The following FER variants were observed in gnomAD, a reference collection of about 807,000 sequenced individuals.
The protein encoded by FER is FER tyrosine kinase, also known as tyrosine-protein kinase Fer.
In FER, 63 loss-of-function variants were observed where a neutral mutation model predicts 111.0. That is an observed-to-expected ratio of 0.57 (90% CI 0.46 to 0.70). FER has a LOEUF of 0.70. Ranked by LOEUF, FER falls within the 30% of genes least tolerant of loss-of-function variation. FER has a pLI of 0.00. For missense variants in FER, 914 were observed against 954.0 expected (o/e 0.96, Z 0.55); for synonymous variants, 327 against 313.9 (o/e 1.04, Z -0.44).
intron 9 of FER, among the ~76,000 whole-genome samples, chr5:108,893,098 T>G (rs866707855): frequency 0.012 from 1,769 of 152,098 alleles, 33 homozygotes; most frequent in African/African-American, 0.041. Flanking sequence ...AAGTCAGGTA[T>G]CGTGATGCCT....
At chr5:108,860,905 A>G (rs901907969) in intron 5 of FER, among the ~76,000 whole-genome samples, 1 of 152,200 alleles carries the variant, frequency 6.6e-6, no homozygotes, top group Non-Finnish European at 1.5e-5. Flanking sequence ...GAGACTGAGC[A>G]AGAGTAGGGA....
rs371728380 is a variant in FER, at chr5:108,954,718, A to G, written c.1330-11A>G. On this transcript the variant is annotated splice_polypyrimidine_tract_variant and intron_variant, in intron 11 of 19. Transcript: ENST00000281092. ...TCTAATTTAGTTTTTTTTTTTTAAT[A>G]TTTGTTTAAGCTTTCTGATATGATC... 38 of 1,472,300 alleles carry G rather than the reference A, an allele frequency of 2.6e-5. No homozygotes were observed. Among genetic ancestry groups the G allele is most frequent in the Admixed American group, 4.9e-5 (2 of 40,890 alleles). The allele number at this position is 1,472,300 out of a possible 1,614,324, so 91.2% of individuals were successfully genotyped here.
chr5:108,814,614 C>T (rs770775962), intron 3 of FER, among the ~76,000 whole-genome samples: 6 of 152,138 alleles, frequency 3.9e-5, no homozygotes, highest in Non-Finnish European at 8.8e-5. Context: ...AAGATATCAT[C>T]GGGGTATTAG....
chr5:108,798,050 A>G (rs1364928371), intron 2 of FER, 74 bp from the exon 3 acceptor site: 10 of 563,680 alleles, frequency 1.8e-5, no homozygotes, highest in Admixed American at 1.4e-4. Flanking sequence ...AGAAGAATCT[A>G]TCATAACTTT....
intron 2 of FER, among the ~76,000 whole-genome samples, chr5:108,781,096 T>C (rs541901199): frequency 1.3e-5 from 2 of 152,334 alleles, no homozygotes; most frequent in African/African-American, 4.8e-5. Flanking sequence ...AGCATATTAA[T>C]CATAGTTGTT....
At chr5:108,978,165 T>G (rs898312382) in intron 13 of FER, among the ~76,000 whole-genome samples, 21 of 152,234 alleles carry the variant, frequency 1.4e-4, no homozygotes, top group African/African-American at 5.1e-4. Flanking sequence ...TTCTCTTGTT[T>G]GCCTTTGTCA....
At chr5:109,003,781 A>T (rs371774274) in intron 13 of FER, among the ~76,000 whole-genome samples, 5 of 152,038 alleles carry the variant, frequency 3.3e-5, no homozygotes, top group Non-Finnish European at 7.4e-5. Context: ...GAATTTCAAG[A>T]TCAGCCTAGG....
chr5:108,906,945 A>G (rs1480772828), intron 10 of FER, among the ~76,000 whole-genome samples: 6 of 152,040 alleles, frequency 3.9e-5, no homozygotes, highest in African/African-American at 1.4e-4. Flanking sequence ...TTCAAAGTCT[A>G]TCTTTCTAAC....
intron 5 of FER, among the ~76,000 whole-genome samples, chr5:108,855,707 A>G (rs945323821): frequency 2.0e-5 from 3 of 152,192 alleles, no homozygotes; most frequent in African/African-American, 7.2e-5. Context: ...CAAGTGATCA[A>G]CTAGGTTGAA....
chr5:108,834,842 T>A (rs1388430282), intron 4 of FER, among the ~76,000 whole-genome samples: 2 of 152,196 alleles, frequency 1.3e-5, no homozygotes, highest in Non-Finnish European at 2.9e-5. Flanking sequence ...TGTCATCGTC[T>A]GTGTCATCAA....
At chr5:108,844,121 C>T (rs1174294112) in intron 5 of FER, among the ~76,000 whole-genome samples, 2 of 144,548 alleles carry the variant, frequency 1.4e-5, no homozygotes, top group Admixed American at 6.8e-5. Flanking sequence ...TGTGTGAACA[C>T]ATATATGTGT....
At position 108,946,201 on chromosome 5, in the gene FER, A is replaced by G. The variant is rs1756960259; in HGVS notation, c.1308A>G (p.Lys436=). The G allele has an allele frequency of 6.2e-7, 1 of 1,611,790 alleles. No individual in the cohort carries two copies. Among genetic ancestry groups the G allele is most frequent in the South Asian group, 1.1e-5 (1 of 91,058 alleles). ...TTGCTGGAATAATTAGGTCTCCAAA[A>G]TCTGCACTGGGCTCTTCAGCAGTAA... ...HSIAGIIRSP[K]SALGSSALSD... Residue 436 remains lysine (K), a synonymous_variant, in exon 11 of 20, where the codon AAA becomes AAG. Coordinates refer to ENST00000281092, the MANE Select transcript of FER (RefSeq NM_005246.4).
rs887462746 is a variant in FER, at chr5:108,770,935, GA to G, written c.-60+2705del. The stretch of plus-strand genomic sequence containing the variant: ...AGTCCTACCTTTCATTTTTTTCTCT[GA>G]AAAAAAATTTTTTTTTTTGAGATGG... On this transcript the variant is annotated intron_variant, in intron 2 of 19. Coordinates refer to ENST00000281092, the MANE Select transcript of FER (RefSeq NM_005246.4). 2.1e-4 allele frequency among the ~76,000 whole-genome samples: 32 copies of G among 150,046 alleles called. 1 individual carries two copies. The highest frequency in any genetic ancestry group is 6.6e-4 in the African/African-American group (27 of 40,622).
At chr5:108,816,376 A>G (rs540566538) in intron 3 of FER, among the ~76,000 whole-genome samples, 5 of 152,284 alleles carry the variant, frequency 3.3e-5, no homozygotes, top group Admixed American at 2.0e-4. Context: ...TTTCTGTCAA[A>G]TTTTGAATAA....
intron 16 of FER, among the ~76,000 whole-genome samples, chr5:109,077,967 G>A (rs75936063): frequency 6.6e-6 from 1 of 151,994 alleles, no homozygotes; most frequent in South Asian, 2.1e-4. Flanking sequence ...GGATCAAAAA[G>A]ATTATTTATT....
intron 14 of FER, among the ~76,000 whole-genome samples, chr5:109,042,094 G>A (rs779037118): frequency 2.6e-5 from 4 of 152,170 alleles, no homozygotes; most frequent in Non-Finnish European, 4.4e-5. Flanking sequence ...CACTATGCAA[G>A]TCGGAGATAG....
chr5:108,805,832 A>C (rs752433381), intron 3 of FER, among the ~76,000 whole-genome samples: 10 of 152,258 alleles, frequency 6.6e-5, no homozygotes, highest in Non-Finnish European at 1.3e-4. Flanking sequence ...TCAGTTTCAT[A>C]AAGGAAGCAG....
At chr5:109,081,907 A>G (rs1338022949) in intron 16 of FER, among the ~76,000 whole-genome samples, 2 of 152,008 alleles carry the variant, frequency 1.3e-5, no homozygotes, top group African/African-American at 4.8e-5. Flanking sequence ...TGAAGGAAGA[A>G]TGCTCCATTC....
chr5:108,993,384 C>T (rs923899539), intron 13 of FER, among the ~76,000 whole-genome samples: 3 of 152,212 alleles, frequency 2.0e-5, no homozygotes, highest in African/African-American at 4.8e-5. Context: ...CAAAAAAATA[C>T]GAAAACCAGT....
Sources: gnomAD v4.1 joint callset for allele counts (sites outside exome capture counted in the v4.1 genomes callset) on GRCh38, gnomAD v4.1.1 for gene constraint, MANE v1.5 for transcripts, NCBI Gene and HGNC (gene_info 2026-07-23, HGNC 2026-07-21) for gene names.